Variants in TAF3 observed in about 807,000 individuals in gnomAD.
TAF3 encodes TATA-box binding protein associated factor 3, also known as transcription initiation factor TFIID subunit 3.
A neutral mutation model predicts 80.6 loss-of-function variants in TAF3; 7 were observed. That is an observed-to-expected ratio of 0.09 (90% CI 0.05 to 0.16). The LOEUF (loss-of-function observed/expected upper bound fraction) is 0.16, where lower values mean the gene tolerates loss of function less well. TAF3 is among the 10% of genes least tolerant of loss of function. The probability of loss-of-function intolerance (pLI) is 1.00; values close to 1 mark genes in which losing one functional copy is unlikely to be tolerated. For missense variants in TAF3, 921 were observed against 1,140.2 expected (o/e 0.81, Z 2.77); for synonymous variants, 444 against 446.1 (o/e 1.00, Z 0.06).
At chr10:7,829,289 C>T (rs917077803) in intron 2 of TAF3, among the ~76,000 whole-genome samples, 5 of 152,116 alleles carry the variant, frequency 3.3e-5, no homozygotes, top group Non-Finnish European at 7.4e-5. Context: ...GACTATGGTA[C>T]GTGTATCACA....
In TAF3 at chr10:7,906,134, A is replaced by G. The variant is rs555774354; in HGVS notation, c.410-57786A>G. On this transcript the variant is annotated intron_variant, in intron 2 of 6. Coordinates refer to ENST00000344293, the MANE Select transcript of TAF3 (RefSeq NM_031923.4). The stretch of plus-strand genomic sequence containing the variant: ...GAGTATTTTAGAATATATATGTGAT[A>G]TTTCATCTCTTGTCCAATTCCTCTT... 5.9e-5 allele frequency among the ~76,000 whole-genome samples: 9 copies of G among 152,246 alleles called. No homozygotes were observed. In the South Asian group the frequency reaches 1.2e-3, roughly 21 times the overall value.
intron 2 of TAF3, among the ~76,000 whole-genome samples, chr10:7,845,048 A>G (rs963675352): frequency 1.3e-5 from 2 of 152,176 alleles, no homozygotes; most frequent in Non-Finnish European, 2.9e-5. Flanking sequence ...TTTTTGACAC[A>G]TATTACCCAT....
Position 7,842,165 on chromosome 10 carries a change from TTTTTTTTTTTG to T in TAF3, c.409+17616_409+17626del, listed in dbSNP as rs1564345320. On this transcript the variant is annotated intron_variant, in intron 2 of 6. Coordinates refer to ENST00000344293, the MANE Select transcript of TAF3 (RefSeq NM_031923.4). ...GAATTAATATTGTTTTTTTTTTTTG[TTTTTTTTTTTG>T]TTTTTTTTTTTTTTTGAGACAGAGT... is the stretch of plus-strand genomic sequence containing the variant. 2.3e-3 allele frequency among the ~76,000 whole-genome samples: 166 copies of T among 73,044 alleles called. 3 individuals carry two copies. The highest frequency in any genetic ancestry group is 5.2e-3 in the South Asian group (8 of 1,542). 47.9% of individuals were successfully genotyped at this position (73,044 alleles called of 152,430 possible).
At chr10:8,008,327 G>A (rs541106751) in intron 4 of TAF3, among the ~76,000 whole-genome samples, 211 of 151,988 alleles carry the variant, frequency 1.4e-3, no homozygotes, top group African/African-American at 4.9e-3. Context: ...TTGAACTCTC[G>A]ACCTCAGGTA....
intron 2 of TAF3, among the ~76,000 whole-genome samples, chr10:7,874,052 G>A (rs1159113185): frequency 1.3e-5 from 2 of 152,140 alleles, no homozygotes; most frequent in African/African-American, 4.8e-5. Flanking sequence ...GGATCAATAG[G>A]TAATAGTAAG....
At chr10:7,916,986 A>T (rs968306481) in intron 2 of TAF3, among the ~76,000 whole-genome samples, 1 of 152,228 alleles carries the variant, frequency 6.6e-6, no homozygotes, top group Non-Finnish European at 1.5e-5. Flanking sequence ...CTTTGGATTC[A>T]TAGGGATCTG....
At chr10:7,994,809 C>CCAAAAAAAAAA (rs1831870785) in intron 4 of TAF3, among the ~76,000 whole-genome samples, 1 of 124,358 alleles carries the variant, frequency 8.0e-6, no homozygotes, top group African/African-American at 3.1e-5. Context: ...CTAAAAATAC[C>CCAAAAAAAAAA]AAAAAAAAAA....
chr10:7,895,948 G>C (rs184344728), intron 2 of TAF3, among the ~76,000 whole-genome samples: 16 of 152,122 alleles, frequency 1.1e-4, no homozygotes, highest in Admixed American at 1.0e-3. Flanking sequence ...CTGACCATGC[G>C]GGGGTGGAAA....
At chr10:7,921,351 C>G (rs1166064954) in intron 2 of TAF3, among the ~76,000 whole-genome samples, 1 of 152,092 alleles carries the variant, frequency 6.6e-6, no homozygotes. Flanking sequence ...AAAATTCTCA[C>G]TTTTTAGTCA....
chr10:7,866,664 A>G (rs1002178344), intron 2 of TAF3, among the ~76,000 whole-genome samples: 20 of 152,186 alleles, frequency 1.3e-4, no homozygotes, highest in African/African-American at 3.6e-4. Flanking sequence ...TTTAACTGCA[A>G]TGGGAAACCA....
intron 4 of TAF3, among the ~76,000 whole-genome samples, chr10:7,991,285 CT>C (rs1370686259): frequency 2.0e-5 from 3 of 151,826 alleles, no homozygotes; most frequent in Non-Finnish European, 4.4e-5. Context: ...CCTTGGACAC[CT>C]TTTTTTAAAA....
rs12263118 is a variant in TAF3, at chr10:7,971,242, T to A, written c.2232+5500T>A. Reference sequence around the variant, plus strand: ...AATAGTTATCAGAGTTTACTTAGACTGTGTTTCTAAATGGAAATAATGTAA... The same window carrying A: ...AATAGTTATCAGAGTTTACTTAGACAGTGTTTCTAAATGGAAATAATGTAA... On this transcript the variant is annotated intron_variant, in intron 3 of 6. Coordinates refer to ENST00000344293, the MANE Select transcript of TAF3 (RefSeq NM_031923.4). 1.4e-3 allele frequency among the ~76,000 whole-genome samples: 211 copies of A among 152,280 alleles called. 1 individual carries two copies. The highest frequency in any genetic ancestry group is 4.8e-3 in the African/African-American group (200 of 41,528).
chr10:7,860,001 T>C (rs1285068843), intron 2 of TAF3, among the ~76,000 whole-genome samples: 1 of 152,244 alleles, frequency 6.6e-6, no homozygotes, highest in African/African-American at 2.4e-5. Flanking sequence ...CCAGGAGTGG[T>C]GGCTCATGCC....
chr10:7,957,656 C>T (rs1838148708), intron 2 of TAF3, among the ~76,000 whole-genome samples: 1 of 151,936 alleles, frequency 6.6e-6, no homozygotes. Flanking sequence ...TTGTTTCTCA[C>T]ATATGTACAG....
chr10:7,987,283 A>G (rs1351926888), intron 4 of TAF3, among the ~76,000 whole-genome samples: 4 of 152,224 alleles, frequency 2.6e-5, no homozygotes, highest in African/African-American at 9.6e-5. Flanking sequence ...GCCACTGCAC[A>G]CCAGCTTGGG....
intron 2 of TAF3, among the ~76,000 whole-genome samples, chr10:7,890,788 C>T (rs1455601925): frequency 4.6e-5 from 7 of 152,202 alleles, no homozygotes; most frequent in East Asian, 1.9e-4. Flanking sequence ...CTCACACCTA[C>T]GTCATACATT....
rs983510502 is a variant in TAF3 at position 8,008,984 on chromosome 10, G to T, written c.2316-94G>T. 2.7e-6 allele frequency: 4 copies of T among 1,474,530 alleles called. No individual in the cohort carries two copies. The African/African-American group carries it at 5.8e-5, about 21-fold the overall frequency. The allele number at this position is 1,474,530 out of a possible 1,614,324, so 91.3% of individuals were successfully genotyped here. A position where few individuals can be genotyped will look rare whatever the true frequency, so the allele number is the denominator to read the frequency against. On this transcript the variant is annotated intron_variant, in intron 4 of 6. Coordinates refer to ENST00000344293, the MANE Select transcript of TAF3 (RefSeq NM_031923.4). ...TAGACGTTGAAGTATTTCGCTACTGGAAGAAAAGCTATTTTACGATCATGT... is the reference window on the plus strand; with the variant it reads ...TAGACGTTGAAGTATTTCGCTACTGTAAGAAAAGCTATTTTACGATCATGT...
intron 4 of TAF3, 42 bp downstream of exon 4, chr10:7,977,365 T>G (rs1395259618): frequency 6.3e-7 from 1 of 1,592,226 alleles, no homozygotes. Context: ...CAAATGAAAT[T>G]TAACCTTCTC....
chr10:7,898,684 G>A (rs1837530038), intron 2 of TAF3, among the ~76,000 whole-genome samples: 1 of 152,040 alleles, frequency 6.6e-6, no homozygotes, highest in Admixed American at 6.5e-5. Context: ...TAAAACCGCT[G>A]TGCAAAAGCA....
Sources: allele counts gnomAD v4.1 joint callset (sites outside exome capture counted in the v4.1 genomes callset), GRCh38; gene constraint gnomAD v4.1.1; transcripts MANE v1.5; gene names NCBI Gene and HGNC (gene_info 2026-07-23, HGNC 2026-07-21).